The following NEK11 variants were observed in gnomAD, a reference collection of about 807,000 sequenced individuals.
NEK11 encodes serine/threonine-protein kinase Nek11.
Under a neutral mutation model 80.7 loss-of-function variants are expected in NEK11, and 72 were observed. That is an observed-to-expected ratio of 0.89 (90% CI 0.74 to 1.08). NEK11 has a LOEUF of 1.08. Among genes scored for constraint, NEK11 ranks in the 50% least tolerant of loss-of-function variants. The pLI is 0.00. For missense variants in NEK11, 764 were observed against 763.6 expected (o/e 1.00, Z -0.01); for synonymous variants, 251 against 260.7 (o/e 0.96, Z 0.36).
chr3:131,080,273 C>G, intron 3 of NEK11, 150 bp from the exon 4 acceptor site: 1 of 595,644 alleles, frequency 1.7e-6, no homozygotes, highest in Non-Finnish European at 2.8e-6. Flanking sequence ...GGCCCAGGTC[C>G]CACCAGGAGA....
At chr3:131,234,843 C>A (rs2095403895) in intron 15 of NEK11, among the ~76,000 whole-genome samples, 1 of 151,112 alleles carries the variant, frequency 6.6e-6, no homozygotes. Context: ...TTCTTCTGGC[C>A]TTTATTTTAT....
At chr3:131,092,560 G>A (rs1209801629) in intron 4 of NEK11, among the ~76,000 whole-genome samples, 1 of 152,160 alleles carries the variant, frequency 6.6e-6, no homozygotes, top group African/African-American at 2.4e-5. Flanking sequence ...AGCATGAGAT[G>A]TTAGCCACTG....
At chr3:131,282,265 A>G (rs1474382112) in intron 17 of NEK11, among the ~76,000 whole-genome samples, 1 of 152,160 alleles carries the variant, frequency 6.6e-6, no homozygotes, top group Non-Finnish European at 1.5e-5. Flanking sequence ...CCTAGAGATC[A>G]GACATTAGTC....
At chr3:131,125,388 G>T (rs1369014106) in intron 5 of NEK11, among the ~76,000 whole-genome samples, 1 of 152,100 alleles carries the variant, frequency 6.6e-6, no homozygotes, top group African/African-American at 2.4e-5. Flanking sequence ...TTTTATAATT[G>T]ATATTTCTGG....
chr3:131,285,924 A>G (rs1380166436), intron 17 of NEK11, among the ~76,000 whole-genome samples: 4 of 152,208 alleles, frequency 2.6e-5, no homozygotes, highest in Non-Finnish European at 5.9e-5. Context: ...TGGGTTTGCA[A>G]CTTGGCTACT....
At chr3:131,213,585 G>T (rs1360527184) in intron 14 of NEK11, among the ~76,000 whole-genome samples, 1 of 152,176 alleles carries the variant, frequency 6.6e-6, no homozygotes, top group Non-Finnish European at 1.5e-5. Flanking sequence ...CTTCAGCTGT[G>T]GTGGTCTTAG....
At position 131,170,818 on chromosome 3, in the gene NEK11, A is replaced by G. The variant is rs770854566; in HGVS notation, c.1330A>G (p.Ile444Val). Residue 444 changes from isoleucine to valine, a missense_variant, in exon 14 of 18, where the codon ATT (isoleucine) becomes GTT (valine). By Grantham distance (29) the Ile-to-Val change is conservative. Coordinates refer to ENST00000383366, the MANE Select transcript of NEK11 (RefSeq NM_024800.5). ...TLENLPESQP[I>V]PSMDLHELES... is the part of the protein sequence containing the mutation. ...AGAGAACCTGCCTGAGTCTCAGCCTATTCCTTCCATGGACCTCCACGAACT... is the reference window on the plus strand; with the variant it reads ...AGAGAACCTGCCTGAGTCTCAGCCTGTTCCTTCCATGGACCTCCACGAACT... The G allele has an allele frequency of 1.9e-6, 3 of 1,614,144 alleles. No individual in the cohort carries two copies. The highest frequency in any genetic ancestry group is 2.5e-6 in the Non-Finnish European group (3 of 1,180,000).
chr3:131,042,186 A>C (rs1035343938), intron 3 of NEK11, among the ~76,000 whole-genome samples: 2 of 151,048 alleles, frequency 1.3e-5, no homozygotes, highest in African/African-American at 4.8e-5. Context: ...GCAGACACCC[A>C]GCTAGCTGCA....
intron 17 of NEK11, among the ~76,000 whole-genome samples, chr3:131,299,533 C>G (rs570076010): frequency 3.3e-5 from 5 of 151,848 alleles, no homozygotes; most frequent in Middle Eastern, 3.4e-3. Context: ...CTCCCACCAT[C>G]TACCTCTCAG....
chr3:131,145,432 A>G (rs967660491), intron 7 of NEK11, among the ~76,000 whole-genome samples: 4 of 152,180 alleles, frequency 2.6e-5, no homozygotes, highest in Non-Finnish European at 5.9e-5. Flanking sequence ...ATGAAAAGAC[A>G]AAAGCCAAAC....
At chr3:131,249,090 A>T (rs1434823160) in intron 16 of NEK11, among the ~76,000 whole-genome samples, 1 of 151,938 alleles carries the variant, frequency 6.6e-6, no homozygotes, top group East Asian at 1.9e-4. Flanking sequence ...TCCCACTAAC[A>T]TGACAAAAAA....
intron 4 of NEK11, among the ~76,000 whole-genome samples, chr3:131,097,132 C>G (rs1212464707): frequency 6.6e-6 from 1 of 151,574 alleles, no homozygotes; most frequent in Admixed American, 6.6e-5. Flanking sequence ...TCCAGTCTAT[C>G]ATTGTTGGAC....
intron 16 of NEK11, among the ~76,000 whole-genome samples, chr3:131,249,504 G>A (rs1233135921): frequency 6.6e-6 from 1 of 152,092 alleles, no homozygotes; most frequent in East Asian, 1.9e-4. Context: ...AAACAGACTC[G>A]ATTTGGGGGA....
At chr3:131,262,873 C>A (rs1295997832) in intron 16 of NEK11, among the ~76,000 whole-genome samples, 2 of 151,576 alleles carry the variant, frequency 1.3e-5, no homozygotes, top group African/African-American at 4.9e-5. Context: ...TCCATGTGTT[C>A]TCATTGTTCA....
chr3:131,075,636 A>T (rs921667595), intron 3 of NEK11, among the ~76,000 whole-genome samples: 2 of 152,248 alleles, frequency 1.3e-5, no homozygotes, highest in African/African-American at 2.4e-5. Flanking sequence ...ATGGAGAAAG[A>T]ATTACCGCAG....
At chr3:131,210,848 AT>A (rs2094588515) in intron 14 of NEK11, among the ~76,000 whole-genome samples, 1 of 151,810 alleles carries the variant, frequency 6.6e-6, no homozygotes, top group African/African-American at 2.4e-5. Flanking sequence ...CCATCCCTTT[AT>A]TTTGAGCCTA....
intron 1 of NEK11, chr3:131,027,377 C>G (rs1379565982): frequency 2.0e-5 from 3 of 152,056 alleles, no homozygotes; most frequent in African/African-American, 7.2e-5. Flanking sequence ...CTTCCGTTGT[C>G]TTTTGCCCCC....
chr3:131,175,539 A>G (rs2092955585), intron 14 of NEK11, among the ~76,000 whole-genome samples: 1 of 152,206 alleles, frequency 6.6e-6, no homozygotes, highest in East Asian at 1.9e-4. Context: ...GAGTTCTGGA[A>G]CCAGAAGTAC....
chr3:131,335,957 T>G (rs1329159556), intron 17 of NEK11, among the ~76,000 whole-genome samples: 7 of 151,884 alleles, frequency 4.6e-5, no homozygotes, highest in Admixed American at 2.6e-4. Flanking sequence ...CACTGCTCAA[T>G]GAAATAAAAG....
Sources: gnomAD v4.1 joint callset for allele counts (sites outside exome capture counted in the v4.1 genomes callset) on GRCh38, gnomAD v4.1.1 for gene constraint, MANE v1.5 for transcripts, NCBI Gene and HGNC (gene_info 2026-07-23, HGNC 2026-07-21) for gene names.